The following FSTL5 variants were observed in gnomAD, a reference collection of about 807,000 sequenced individuals.
FSTL5 encodes the protein follistatin-related protein 5.
Under a neutral mutation model 89.1 loss-of-function variants are expected in FSTL5, and 62 were observed. The ratio of observed to expected loss-of-function variants is 0.70; its 90% CI spans 0.57 to 0.86. FSTL5 has a LOEUF of 0.86. FSTL5 is among the 40% of genes least tolerant of loss of function. The probability of loss-of-function intolerance (pLI) is 0.00; values close to 1 mark genes in which losing one functional copy is unlikely to be tolerated. For synonymous variants in FSTL5, 383 were observed against 346.2 expected (o/e 1.11, Z -1.18); for missense variants, 1,057 against 1,001.6 (o/e 1.06, Z -0.75).
At chr4:162,072,627 A>C (rs183733059) in intron 2 of FSTL5, among the ~76,000 whole-genome samples, 31 of 151,950 alleles carry the variant, frequency 2.0e-4, no homozygotes. Flanking sequence ...ATTCTAATAC[A>C]ATAGCAAACA....
Position 162,125,702 on chromosome 4 carries a change from G to C in FSTL5, c.-16-14290C>G, listed in dbSNP as rs190846542. Among the ~76,000 whole-genome samples the C allele has an allele frequency of 1.6e-3, 247 of 151,934 alleles. 2 individuals are homozygous for C. The highest frequency in any genetic ancestry group is 0.012 in the Admixed American group (183 of 15,266). ...AGACATTGTAATTCATATTTGATTTGCATTTATTTTTAATCCTTAGTGTAA... is the reference window on the plus strand; with the variant it reads ...AGACATTGTAATTCATATTTGATTTCCATTTATTTTTAATCCTTAGTGTAA... On this transcript the variant is annotated intron_variant, in intron 1 of 15. Coordinates refer to ENST00000306100, the MANE Select transcript of FSTL5 (RefSeq NM_020116.5).
chr4:161,656,274 G>T lies in FSTL5; in HGVS notation c.894+54C>A. 3.1e-6 allele frequency: 3 copies of T among 975,626 alleles called. No homozygotes were observed. The South Asian group carries it at 5.9e-5, about 19-fold the overall frequency. The allele number at this position is 975,626 out of a possible 1,614,324, so 60.4% of individuals were successfully genotyped here. On this transcript the variant is annotated intron_variant, in intron 7 of 15. Transcript: ENST00000306100. The stretch of plus-strand genomic sequence containing the variant: ...AGCTCCCCTGACATCACAAAGTCTG[G>T]AGTATATCACATGAAATATATATAT...
At chr4:161,815,398 A>G (rs968810955) in intron 4 of FSTL5, among the ~76,000 whole-genome samples, 3 of 152,086 alleles carry the variant, frequency 2.0e-5, no homozygotes, top group Admixed American at 2.0e-4. Flanking sequence ...AGAGAGAGAG[A>G]GACAATATTT....
intron 6 of FSTL5, among the ~76,000 whole-genome samples, chr4:161,673,794 A>C (rs1005118150): frequency 6.6e-6 from 1 of 151,808 alleles, no homozygotes; most frequent in African/African-American, 2.4e-5. Context: ...ATTTTTAAGG[A>C]TATATTTTTA....
chr4:161,968,196 T>C (rs897729597), intron 3 of FSTL5, among the ~76,000 whole-genome samples: 4 of 152,072 alleles, frequency 2.6e-5, no homozygotes, highest in African/African-American at 9.7e-5. Context: ...GAATGTGAAA[T>C]ACAAGGAAAT....
Position 162,058,718 on chromosome 4 carries a change from C to A in FSTL5, c.127-25060G>T, listed in dbSNP as rs529865205. On this transcript the variant is annotated intron_variant, in intron 2 of 15. Coordinates refer to ENST00000306100, the MANE Select transcript of FSTL5 (RefSeq NM_020116.5). ...TGTTAGGATTACAGGTGTGAGCCAT[C>A]GTGCCTGGCAGCAACTGATCTATTC... is the stretch of plus-strand genomic sequence containing the variant. Among the ~76,000 whole-genome samples, 64 of 152,116 alleles carry A rather than the reference C, an allele frequency of 4.2e-4. 1 individual carries two copies. The South Asian group carries it at 0.012, about 30-fold the overall frequency.
rs188339916 is a variant in FSTL5 at position 161,909,283 on chromosome 4, T to C, written c.409+11121A>G. ...TAAAGCGGACATAACATAATAATAC[T>C]GCATCTATGAGAGATGAAAAATAGG... On this transcript the variant is annotated intron_variant, in intron 4 of 15. Transcript: ENST00000306100. Among the ~76,000 whole-genome samples the C allele has an allele frequency of 6.6e-5, 10 of 152,234 alleles. No homozygotes were observed. The East Asian group carries it at 1.9e-3, about 29-fold the overall frequency.
chr4:161,880,243 T>C (rs1732584794), intron 4 of FSTL5, among the ~76,000 whole-genome samples: 1 of 152,092 alleles, frequency 6.6e-6, no homozygotes, highest in African/African-American at 2.4e-5. Context: ...TTGTGACATT[T>C]TGATGAATGA....
rs779139050 is a variant in FSTL5 at position 161,651,149 on chromosome 4, A to G, written c.894+5179T>C. Reference sequence around the variant, plus strand: ...TACCAAAGGAACTCACAAACCAGGAACCAAATCAAAATAAGGCATTTAGCT... The same window carrying G: ...TACCAAAGGAACTCACAAACCAGGAGCCAAATCAAAATAAGGCATTTAGCT... On this transcript the variant is annotated intron_variant, in intron 7 of 15. Coordinates refer to ENST00000306100, the MANE Select transcript of FSTL5 (RefSeq NM_020116.5). Among the ~76,000 whole-genome samples the G allele has an allele frequency of 1.1e-4, 16 of 152,214 alleles. No individual in the cohort carries two copies. In the East Asian group the frequency reaches 2.5e-3, roughly 24 times the overall value.
At chr4:161,584,349 T>A (rs200302609) in intron 8 of FSTL5, among the ~76,000 whole-genome samples, 1 of 152,240 alleles carries the variant, frequency 6.6e-6, no homozygotes, top group East Asian at 1.9e-4. Context: ...ACACAGGGAC[T>A]ATTCATCTTC....
chr4:161,627,439 A>G (rs929914936), intron 7 of FSTL5, among the ~76,000 whole-genome samples: 4 of 152,208 alleles, frequency 2.6e-5, no homozygotes, highest in Admixed American at 6.6e-5. Context: ...ACATTATAGT[A>G]TAAATATAAC....
chr4:161,558,390 C>T (rs1236389606), intron 8 of FSTL5, among the ~76,000 whole-genome samples: 1 of 151,698 alleles, frequency 6.6e-6, no homozygotes, highest in Non-Finnish European at 1.5e-5. Flanking sequence ...TGCATTGTTA[C>T]TTAAAACTGC....
At chr4:161,471,452 G>A (rs145238833) in intron 13 of FSTL5, among the ~76,000 whole-genome samples, 16 of 152,244 alleles carry the variant, frequency 1.1e-4, no homozygotes, top group East Asian at 3.9e-4. Flanking sequence ...AACTTGGTTC[G>A]CTAATATTTA....
chr4:162,093,750 G>C (rs1024883732), intron 2 of FSTL5, among the ~76,000 whole-genome samples: 1 of 152,086 alleles, frequency 6.6e-6, no homozygotes, highest in Non-Finnish European at 1.5e-5. Context: ...TCTGTGATTT[G>C]TTTATCATTT....
rs377086743 is a variant in FSTL5, at chr4:161,581,020, C to T, written c.1015+6435G>A. Among the ~76,000 whole-genome samples, 6 of 152,002 alleles carry T rather than the reference C, an allele frequency of 3.9e-5. No homozygotes were observed. In the East Asian group the frequency reaches 7.8e-4, roughly 20 times the overall value. ...AATGATACATGGCCAATACCACCCCCCAAGCAAGAGCCAATCTCCTAGATG... is the reference window on the plus strand; with the variant it reads ...AATGATACATGGCCAATACCACCCCTCAAGCAAGAGCCAATCTCCTAGATG... On this transcript the variant is annotated intron_variant, in intron 8 of 15. Coordinates refer to ENST00000306100, the MANE Select transcript of FSTL5 (RefSeq NM_020116.5).
In FSTL5 at chr4:161,467,642, G is replaced by A. The variant is rs984935956; in HGVS notation, c.1609-8323C>T. Reference sequence around the variant, plus strand: ...AATGATTTTCAAGTATAAAAATGGAGTCATTAGCTTATTCATAATTCAACT... The same window carrying A: ...AATGATTTTCAAGTATAAAAATGGAATCATTAGCTTATTCATAATTCAACT... On this transcript the variant is annotated intron_variant, in intron 13 of 15. Coordinates refer to ENST00000306100, the MANE Select transcript of FSTL5 (RefSeq NM_020116.5). Among the ~76,000 whole-genome samples the A allele has an allele frequency of 3.2e-4, 49 of 152,060 alleles. 1 individual carries two copies. Among genetic ancestry groups the A allele is most frequent in the African/African-American group, 1.1e-3 (45 of 41,420 alleles).
intron 3 of FSTL5, among the ~76,000 whole-genome samples, chr4:161,958,659 T>C (rs1209947774): frequency 6.6e-6 from 1 of 152,130 alleles, no homozygotes; most frequent in Non-Finnish European, 1.5e-5. Context: ...GGAAAAAGCA[T>C]TCCTAACCCT....
intron 3 of FSTL5, among the ~76,000 whole-genome samples, chr4:161,925,809 G>T (rs1172933570): frequency 6.6e-6 from 1 of 151,728 alleles, no homozygotes; most frequent in Admixed American, 6.6e-5. Flanking sequence ...ATAAGCATTG[G>T]AAATGCATTT....
intron 7 of FSTL5, among the ~76,000 whole-genome samples, chr4:161,602,038 A>G (rs1184621591): frequency 2.0e-5 from 3 of 152,110 alleles, no homozygotes; most frequent in African/African-American, 7.2e-5. Context: ...GATTTAAAAT[A>G]ACTATGATTA....
Sources: gnomAD v4.1 joint callset for allele counts (sites outside exome capture counted in the v4.1 genomes callset) on GRCh38, gnomAD v4.1.1 for gene constraint, MANE v1.5 for transcripts, NCBI Gene and HGNC (gene_info 2026-07-23, HGNC 2026-07-21) for gene names.